Variants in ME2 observed in about 807,000 individuals in gnomAD.
ME2 encodes the protein malic enzyme 2.
ME2 carries 60 observed loss-of-function variants against 73.7 expected under a neutral mutation model. That is an observed-to-expected ratio of 0.81 (90% CI 0.66 to 1.01). The LOEUF (loss-of-function observed/expected upper bound fraction) is 1.01. ME2 is among the 50% of genes least tolerant of loss of function. The pLI, the probability that ME2 is intolerant of heterozygous loss-of-function variation, is 0.00. For missense variants in ME2, 594 were observed against 705.5 expected (o/e 0.84, Z 1.79); for synonymous variants, 199 against 236.9 (o/e 0.84, Z 1.47).
chr18:50,935,770 A>AAAAAAAAG (rs1568174469), intron 13 of ME2: 1 of 149,018 alleles, frequency 6.7e-6, no homozygotes, highest in Non-Finnish European at 1.5e-5. Flanking sequence ...AAAAAAAAAA[A>AAAAAAAAG]AAGAGTGAAT....
chr18:50,925,818 G>A lies in ME2; in HGVS notation c.1234G>A (p.Glu412Lys), dbSNP rs1317632766. 6.2e-7 allele frequency: 1 copy of A among 1,612,196 alleles called. No individual in the cohort carries two copies. The highest frequency in any genetic ancestry group is 8.5e-7 in the Non-Finnish European group (1 of 1,178,288). Reference sequence around the variant, plus strand: ...AATCAGAGCCATGGCCTCTATCAATGAAAGGCCTGTAATATTTGCATTAAG... The same window carrying A: ...AATCAGAGCCATGGCCTCTATCAATAAAAGGCCTGTAATATTTGCATTAAG... The part of the protein sequence containing the change: ...DVIRAMASIN[E>K]RPVIFALSNP... Residue 412 changes from glutamate (E) to lysine (K), a missense_variant, in exon 12 of 16, where the codon GAA becomes AAA. By Grantham distance (56) the Glu-to-Lys change is moderately conservative. Coordinates refer to ENST00000321341, the MANE Select transcript of ME2 (RefSeq NM_002396.5).
rs779740881 is a variant in ME2, at chr18:50,895,851, A to G, written c.31A>G (p.Thr11Ala). 2 of 1,613,374 alleles carry G rather than the reference A, an allele frequency of 1.2e-6. No individual in the cohort carries two copies. Among genetic ancestry groups the G allele is most frequent in the African/African-American group, 2.7e-5 (2 of 75,006 alleles). MLSRLRVVST[T>A]CTLACRHLHI... ...GTCCCGGTTAAGAGTAGTTTCCACC[A>G]CTTGTACTTTGGCATGTCGACATTT... The change falls in exon 2 of 16, where the codon ACT (threonine) becomes GCT (alanine). Residue 11 changes from threonine (T) to alanine (A), a missense_variant. Transcript: ENST00000321341.
chr18:50,911,519 T>G (rs1430351669), intron 3 of ME2, among the ~76,000 whole-genome samples: 1 of 151,926 alleles, frequency 6.6e-6, no homozygotes. Context: ...CAGAGGGAAG[T>G]AGGCTATCAT....
intron 5 of ME2, 106 bp from the exon 6 acceptor site, chr18:50,917,241 A>T: frequency 1.2e-6 from 1 of 841,358 alleles, no homozygotes; most frequent in Non-Finnish European, 1.8e-6. Flanking sequence ...TTTTATTTTT[A>T]AGAGCAAAGA....
intron 15 of ME2, among the ~76,000 whole-genome samples, chr18:50,946,143 A>AAATAAAG: frequency 1.0e-5 from 1 of 98,954 alleles, no homozygotes; most frequent in Non-Finnish European, 2.3e-5. Flanking sequence ...AATAAATAAA[A>AAATAAAG]CCATGACTTC....
intron 13 of ME2, chr18:50,932,880 TCCTGACCTCAGGTGTTCTGCCCATC>T (rs1917731711): frequency 6.6e-6 from 1 of 152,504 alleles, no homozygotes. Context: ...GGTCTCGAAC[TCCTGACCTCAGGTGTTCTGCCCATC>T]CCAAAGTGCT....
intron 11 of ME2, among the ~76,000 whole-genome samples, chr18:50,924,470 G>GA (rs888839560): frequency 2.6e-5 from 4 of 152,034 alleles, no homozygotes; most frequent in African/African-American, 9.7e-5. Context: ...CTCAAAACAT[G>GA]AAAAAAACCA....
At position 50,950,474 on chromosome 18, in the gene ME2, T is replaced by TTTCTTTTTTC. The variant is rs796473617; in HGVS notation, c.*3292_*3293insCTTTTTTCTT. ...GTGGGGCCTCAGATTCTGCTTTTTTTTTTTTTTTTTTTTTTTTTTTTAAAC... is the reference window on the plus strand; with the variant it reads ...GTGGGGCCTCAGATTCTGCTTTTTTTTTCTTTTTTCTTTTTTTTTTTTTTTTTTTTTAAAC... On this transcript the variant is annotated 3_prime_UTR_variant, in exon 16 of 16. Coordinates refer to ENST00000321341, the MANE Select transcript of ME2 (RefSeq NM_002396.5). 9 of 130,222 alleles carry TTTCTTTTTTC rather than the reference T, an allele frequency of 6.9e-5. No homozygotes were observed. Among genetic ancestry groups the TTTCTTTTTTC allele is most frequent in the African/African-American group, 2.4e-4 (8 of 33,488 alleles). The allele number at this position is 130,222 out of a possible 1,614,324, so 8.1% of individuals were successfully genotyped here. A position where few individuals can be genotyped will look rare whatever the true frequency, so the allele number is the denominator to read the frequency against.
intron 6 of ME2, 48 bp from the exon 7 acceptor site, chr18:50,918,062 A>G: frequency 7.9e-7 from 1 of 1,271,248 alleles, no homozygotes; most frequent in African/African-American, 1.5e-5. Flanking sequence ...TATGTGTTTA[A>G]ACTGATTATA....
At chr18:50,931,977 C>T (rs1917701210) in intron 12 of ME2, among the ~76,000 whole-genome samples, 1 of 152,134 alleles carries the variant, frequency 6.6e-6, no homozygotes, top group South Asian at 2.1e-4. Flanking sequence ...GCTTCTGTGC[C>T]TGGCCTTAAA....
chr18:50,918,234 T>A, intron 7 of ME2, 21 bp downstream of exon 7: 1 of 1,539,644 alleles, frequency 6.5e-7, no homozygotes, highest in Non-Finnish European at 8.9e-7. Flanking sequence ...AAAGTTTGAG[T>A]ATATGAAAGC....
chr18:50,936,579 G>C (rs1001215250), intron 13 of ME2, among the ~76,000 whole-genome samples: 5 of 152,130 alleles, frequency 3.3e-5, no homozygotes, highest in African/African-American at 9.7e-5. Flanking sequence ...CCGTTAAATA[G>C]AGTTAAGCTG....
In ME2 at chr18:50,891,715, A is replaced by G. The variant is rs79428518; in HGVS notation, c.-12-4094A>G. On this transcript the variant is annotated intron_variant, in intron 1 of 15. Transcript: ENST00000321341. ...CCATAGACAGTGAAGGATGGTGTGT[A>G]TGTATGGTGTCTCTAGTATCACACA... 4.1e-3 allele frequency among the ~76,000 whole-genome samples: 618 copies of G among 152,218 alleles called. 10 individuals are homozygous for G. In the East Asian group the frequency reaches 0.065, roughly 16 times the overall value.
chr18:50,912,835 G>A lies in ME2; in HGVS notation c.277G>A (p.Glu93Lys). 6.2e-7 allele frequency: 1 copy of A among 1,601,408 alleles called. No homozygotes were observed. The highest frequency in any genetic ancestry group is 8.5e-7 in the Non-Finnish European group (1 of 1,172,614). The change falls in exon 4 of 16, where the codon GAG (glutamate) becomes AAG (lysine). Residue 93 changes from glutamate (E) to lysine (K), a missense_variant. Transcript: ENST00000321341. Reference sequence around the variant, plus strand: ...CATAATGGGAATACAAGAAAGAAATGAGAAATTGTTTTATAGAATACTGCA... The same window carrying A: ...CATAATGGGAATACAAGAAAGAAATAAGAAATTGTTTTATAGAATACTGCA... ...IYIMGIQERNEKLFYRILQDD... is the reference protein window; with the variant it reads ...IYIMGIQERNKKLFYRILQDD...
rs1163644401 is a variant in ME2, at chr18:50,940,177, A to C, written c.1489-111A>C. Reference sequence around the variant, plus strand: ...TAAGTGTATTCCTTCAAGAAATAAGAGGAATTATATTACCTGTTTTACTCT... The same window carrying C: ...TAAGTGTATTCCTTCAAGAAATAAGCGGAATTATATTACCTGTTTTACTCT... On this transcript the variant is annotated intron_variant, in intron 14 of 15. Coordinates refer to ENST00000321341, the MANE Select transcript of ME2 (RefSeq NM_002396.5). 5 of 743,940 alleles carry C rather than the reference A, an allele frequency of 6.7e-6. No individual in the cohort carries two copies. In the East Asian group the frequency reaches 1.3e-4, roughly 19 times the overall value. The allele number at this position is 743,940 out of a possible 1,614,324, so 46.1% of individuals were successfully genotyped here.
At chr18:50,893,151 A>AAAAAAAAAAAAAAAAAAAAC (rs1916649164) in intron 1 of ME2, among the ~76,000 whole-genome samples, 3 of 143,282 alleles carry the variant, frequency 2.1e-5, no homozygotes, top group Non-Finnish European at 4.6e-5. Flanking sequence ...AAAAAAAAAA[A>AAAAAAAAAAAAAAAAAAAAC]ACACCTTTAA....
At chr18:50,882,075 T>C (rs1195790122) in intron 1 of ME2, among the ~76,000 whole-genome samples, 2 of 152,192 alleles carry the variant, frequency 1.3e-5, no homozygotes, top group Non-Finnish European at 2.9e-5. Context: ...TATGGTTCAC[T>C]GCAACCTCAA....
At chr18:50,905,559 G>A (rs1339448624) in intron 2 of ME2, among the ~76,000 whole-genome samples, 10 of 152,188 alleles carry the variant, frequency 6.6e-5, no homozygotes, top group Non-Finnish European at 1.0e-4. Flanking sequence ...TGGGGGCACA[G>A]CTTGGTTTTG....
At chr18:50,903,378 A>G (rs1043394463) in intron 2 of ME2, among the ~76,000 whole-genome samples, 2 of 152,192 alleles carry the variant, frequency 1.3e-5, no homozygotes, top group Non-Finnish European at 2.9e-5. Context: ...AGTGTCCCTT[A>G]AATCTAAATA....
Sources: allele counts gnomAD v4.1 joint callset (sites outside exome capture counted in the v4.1 genomes callset), GRCh38; gene constraint gnomAD v4.1.1; transcripts MANE v1.5; gene names NCBI Gene and HGNC (gene_info 2026-07-23, HGNC 2026-07-21).